GALNT13: variants seen among roughly 807,000 people sequenced by gnomAD.
GALNT13 encodes polypeptide N-acetylgalactosaminyltransferase 13.
In GALNT13, 28 loss-of-function variants were observed where a neutral mutation model predicts 64.2. The observed-to-expected ratio is 0.44, with a 90% CI of 0.32 to 0.60. The LOEUF (loss-of-function observed/expected upper bound fraction) is 0.60, where lower values mean the gene tolerates loss of function less well. Ranked by LOEUF, GALNT13 falls within the 20% of genes least tolerant of loss-of-function variation. GALNT13 has a pLI of 0.05. For missense variants in GALNT13, 577 were observed against 669.8 expected, an observed-to-expected ratio of 0.86 and a Z score of 1.53; for synonymous variants, 214 against 224.6, an observed-to-expected ratio of 0.95 and a Z score of 0.42.
At chr2:153,212,884 G>C in the GALNT13 span, among the ~76,000 whole-genome samples, 1 of 152,080 alleles carries the variant, frequency 6.6e-6, no homozygotes, top group African/African-American at 2.4e-5. Flanking sequence ...ACTACTCAGT[G>C]GGTTATTTCA....
At chr2:153,872,842 T>G (rs1686075181) in intron 1 of GALNT13, among the ~76,000 whole-genome samples, 1 of 152,144 alleles carries the variant, frequency 6.6e-6, no homozygotes, top group South Asian at 2.1e-4. Context: ...CCTCGCTTTT[T>G]CAGAGTCCTC....
intron 8 of GALNT13, among the ~76,000 whole-genome samples, chr2:154,299,498 A>T (rs972813884): frequency 7.0e-6 from 1 of 142,830 alleles, no homozygotes; most frequent in Non-Finnish European, 1.5e-5. Context: ...ACTCTCGCCC[A>T]GGCTGGAGTG....
the GALNT13 span, among the ~76,000 whole-genome samples, chr2:153,766,067 C>T: frequency 2.6e-5 from 4 of 152,026 alleles, no homozygotes; most frequent in Middle Eastern, 6.3e-3. Flanking sequence ...ATACACTTAG[C>T]TTTTGTTTAT....
the GALNT13 span, among the ~76,000 whole-genome samples, chr2:153,165,933 T>C: frequency 6.6e-6 from 1 of 152,186 alleles, no homozygotes; most frequent in East Asian, 1.9e-4. Flanking sequence ...AGGGGAAATA[T>C]AATGGGATTA....
At chr2:153,795,827 A>AAG in the GALNT13 span, among the ~76,000 whole-genome samples, 6 of 152,340 alleles carry the variant, frequency 3.9e-5, no homozygotes, top group African/African-American at 1.4e-4. Flanking sequence ...TATATCAAAG[A>AAG]AGAGAGAGCT....
chr2:153,309,655 G>A, the GALNT13 span, among the ~76,000 whole-genome samples: 2 of 151,800 alleles, frequency 1.3e-5, no homozygotes, highest in South Asian at 2.1e-4. Context: ...TTTCATCTCT[G>A]AGACCTCTTT....
chr2:154,217,915 G>A (rs960614753), intron 4 of GALNT13, among the ~76,000 whole-genome samples: 4 of 152,022 alleles, frequency 2.6e-5, no homozygotes, highest in South Asian at 2.1e-4. Context: ...GCAGTTGTCC[G>A]GAATGAGATC....
chr2:153,321,729 C>G, the GALNT13 span, among the ~76,000 whole-genome samples: 1 of 152,138 alleles, frequency 6.6e-6, no homozygotes, highest in Admixed American at 6.6e-5. Flanking sequence ...CCTAAACTTC[C>G]CAGTGGAGCA....
At chr2:153,423,641 A>C in the GALNT13 span, 2 of 151,912 alleles carry the variant, frequency 1.3e-5, no homozygotes, top group Non-Finnish European at 3.0e-5. Context: ...CATATATACA[A>C]ACAGCAAACA....
At chr2:154,151,840 G>A (rs1316844945) in intron 4 of GALNT13, among the ~76,000 whole-genome samples, 1 of 152,070 alleles carries the variant, frequency 6.6e-6, no homozygotes, top group African/African-American at 2.4e-5. Context: ...ATGTGAGATG[G>A]GTTTCCTGAA....
At chr2:154,095,886 T>A (rs1702049361) in intron 3 of GALNT13, among the ~76,000 whole-genome samples, 1 of 152,006 alleles carries the variant, frequency 6.6e-6, no homozygotes, top group Non-Finnish European at 1.5e-5. Context: ...CAAAGTGTGC[T>A]CATCAGCTCC....
At chr2:153,088,318 C>CAG in the GALNT13 span, among the ~76,000 whole-genome samples, 1 of 152,136 alleles carries the variant, frequency 6.6e-6, no homozygotes, top group African/African-American at 2.4e-5. Flanking sequence ...CCACTGTGTT[C>CAG]AGAGAGAGTA....
the GALNT13 span, among the ~76,000 whole-genome samples, chr2:153,456,246 C>A: frequency 6.6e-6 from 1 of 152,190 alleles, no homozygotes; most frequent in African/African-American, 2.4e-5. Flanking sequence ...AGGGACCCGC[C>A]CTTTTCTGCC....
intron 4 of GALNT13, among the ~76,000 whole-genome samples, chr2:154,195,616 A>G (rs1477613984): frequency 6.6e-6 from 1 of 152,048 alleles, no homozygotes; most frequent in African/African-American, 2.4e-5. Context: ...TGGTCTTTTT[A>G]ATTTTTGGTC....
At chr2:154,004,762 A>G (rs548579120) in intron 3 of GALNT13, among the ~76,000 whole-genome samples, 3 of 152,294 alleles carry the variant, frequency 2.0e-5, no homozygotes, top group East Asian at 1.9e-4. Flanking sequence ...GGTGAGAAAC[A>G]TAATTTTGGC....
At chr2:154,220,259 A>G (rs1381005516) in intron 4 of GALNT13, among the ~76,000 whole-genome samples, 1 of 152,064 alleles carries the variant, frequency 6.6e-6, no homozygotes, top group East Asian at 1.9e-4. Flanking sequence ...CATAAATGAA[A>G]TATTTGGATG....
At chr2:153,282,220 C>A in the GALNT13 span, among the ~76,000 whole-genome samples, 4 of 151,998 alleles carry the variant, frequency 2.6e-5, no homozygotes, top group African/African-American at 9.7e-5. Flanking sequence ...GTGAGTTTTT[C>A]AATTCCAAAT....
chr2:153,587,057 C>A, the GALNT13 span, among the ~76,000 whole-genome samples: 1 of 151,716 alleles, frequency 6.6e-6, no homozygotes, highest in Non-Finnish European at 1.5e-5. Context: ...TGTGGTAAAA[C>A]CCCATCTCTA....
the GALNT13 span, among the ~76,000 whole-genome samples, chr2:153,724,846 A>C: frequency 2.0e-5 from 3 of 149,092 alleles, no homozygotes; most frequent in South Asian, 4.3e-4. Context: ...GAACACTTTT[A>C]CACTGTTGGT....
Sources: gnomAD v4.1 joint callset for allele counts (sites outside exome capture counted in the v4.1 genomes callset) on GRCh38, gnomAD v4.1.1 for gene constraint, MANE v1.5 for transcripts, NCBI Gene and HGNC (gene_info 2026-07-23, HGNC 2026-07-21) for gene names.